The following LRP3 variants were observed in gnomAD, a reference collection of about 807,000 sequenced individuals.
The protein encoded by LRP3 is low-density lipoprotein receptor-related protein 3.
In LRP3, 49 loss-of-function variants were observed where a neutral mutation model predicts 58.5. The ratio of observed to expected loss-of-function variants is 0.84; its 90% CI spans 0.67 to 1.06. The LOEUF (loss-of-function observed/expected upper bound fraction) is 1.06, where lower values mean the gene tolerates loss of function less well. Among genes scored for constraint, LRP3 ranks in the 50% least tolerant of loss-of-function variants. The pLI, the probability that LRP3 is intolerant of heterozygous loss-of-function variation, is 0.00. For synonymous variants in LRP3, 485 were observed against 492.2 expected, an observed-to-expected ratio of 0.99 and a Z score of 0.20; for missense variants, 1,019 against 1,134.2, an observed-to-expected ratio of 0.90 and a Z score of 1.46.
chr19:33,207,286 C>T lies in LRP3; in HGVS notation c.2024C>T (p.Pro675Leu), dbSNP rs778719515. 15 of 1,558,440 alleles carry T rather than the reference C, an allele frequency of 9.6e-6. No homozygotes were observed. The highest frequency in any genetic ancestry group is 2.4e-5 in the South Asian group (2 of 84,686). Residue 675 changes from proline to leucine, a missense_variant, in exon 7 of 7, where the codon CCG becomes CTG. Around this residue, in one of 2 missense-constraint regions of LRP3, gnomAD observed 427 missense variants for 408.6 expected, o/e 1.04. Coordinates refer to ENST00000253193, the MANE Select transcript of LRP3 (RefSeq NM_002333.4). Reference protein sequence around the residue: ...DRPPSAPGRAPEVGPSGPPLP... With the variant: ...DRPPSAPGRALEVGPSGPPLP... ...CCCCCCAGTGCCCCCGGCCGTGCACCGGAGGTGGGACCTTCAGGGCCACCC... is the reference window on the plus strand; with the variant it reads ...CCCCCCAGTGCCCCCGGCCGTGCACTGGAGGTGGGACCTTCAGGGCCACCC...
At chr19:33,206,516 G>A in intron 5 of LRP3, 85 bp from the exon 6 acceptor site, 2 of 1,586,782 alleles carry the variant, frequency 1.3e-6, no homozygotes, top group Non-Finnish European at 1.7e-6. Context: ...GTGTCTGGGT[G>A]GAGGGTCGTC....
rs1230631561 is a variant in LRP3 at position 33,207,511 on chromosome 19, A to AC, written c.2255dup (p.Pro753AlafsTer12). The AC allele has an allele frequency of 6.3e-7, 1 of 1,599,140 alleles. No homozygotes were observed. ...CCAGAGCCACTGGGGGTCTGCAGGA[A>AC]CCCCCCGCCCCCCTGCTCCCCAATG... On this transcript the variant is annotated frameshift_variant, in exon 7 of 7. Coordinates refer to ENST00000253193, the MANE Select transcript of LRP3 (RefSeq NM_002333.4). LOFTEE classifies it high-confidence loss of function.
At position 33,205,414 on chromosome 19, in the gene LRP3, G is replaced by C; in HGVS notation, c.644G>C (p.Gly215Ala). 6.3e-7 allele frequency: 1 copy of C among 1,594,552 alleles called. No homozygotes were observed. The highest frequency in any genetic ancestry group is 8.5e-7 in the Non-Finnish European group (1 of 1,169,816). ...CCTCCAGGCAGCCTGTGCCCCGGGG[G>C]GACCTTCCCATGCAGCGGGGCGCGC... ...SEPPGSLCPG[G>A]TFPCSGARST... Residue 215 changes from glycine (G) to alanine (A), a missense_variant, in exon 5 of 7, where the codon GGG becomes GCG. Gly to Ala is a moderately conservative substitution (Grantham distance 60, BLOSUM62 0). Coordinates refer to ENST00000253193, the MANE Select transcript of LRP3 (RefSeq NM_002333.4).
In LRP3 at chr19:33,202,880, G is replaced by C. The variant is rs1056174249; in HGVS notation, c.154G>C (p.Glu52Gln). ...ACSGKLEQHT[E>Q]RRGVIYSPAW... ...CAGTGGGAAGCTGGAGCAGCACACG[G>C]AGCGGCGTGGGGTCATCTACAGCCC... Residue 52 changes from glutamate to glutamine, a missense_variant, in exon 3 of 7, where the codon GAG becomes CAG. Glu to Gln is a conservative substitution (Grantham distance 29, BLOSUM62 2). This residue lies in a region of LRP3 where 592 missense variants were observed against 725.5 expected (regional missense o/e 0.82). Transcript: ENST00000253193. 1 of 1,611,016 alleles carries C rather than the reference G, an allele frequency of 6.2e-7. No individual in the cohort carries two copies. The highest frequency in any genetic ancestry group is 8.5e-7 in the Non-Finnish European group (1 of 1,178,902).
intron 2 of LRP3, among the ~76,000 whole-genome samples, chr19:33,200,389 G>A (rs896925967): frequency 3.2e-5 from 2 of 62,446 alleles, no homozygotes; most frequent in Non-Finnish European, 4.6e-5. Flanking sequence ...CCAGTACCAC[G>A]CCTGGCTAAT....
intron 2 of LRP3, among the ~76,000 whole-genome samples, chr19:33,199,884 C>A (rs576200793): frequency 2.0e-5 from 3 of 152,276 alleles, no homozygotes; most frequent in Middle Eastern, 3.4e-3. Context: ...TCCCAGAAAG[C>A]GTGGGTGAGA....
intron 1 of LRP3, among the ~76,000 whole-genome samples, chr19:33,196,020 G>A (rs568698453): frequency 1.4e-5 from 2 of 143,002 alleles, no homozygotes; most frequent in African/African-American, 3.1e-5. Flanking sequence ...CTCTGGGCCC[G>A]TAACCCCCCG....
intron 5 of LRP3, 62 bp downstream of exon 5, chr19:33,206,424 G>A (rs750651183): frequency 6.9e-6 from 11 of 1,596,746 alleles, no homozygotes; most frequent in Admixed American, 3.4e-5. Context: ...TGCTGTCCCC[G>A]TAGCTGTGGG....
chr19:33,195,155 T>C (rs1174470167), intron 1 of LRP3, among the ~76,000 whole-genome samples: 2 of 152,128 alleles, frequency 1.3e-5, no homozygotes, highest in Admixed American at 6.5e-5. Context: ...CCGCCCGCGC[T>C]GAGCCTGGAG....
chr19:33,202,936 C>G lies in LRP3; in HGVS notation c.210C>G (p.Thr70=), dbSNP rs892141423. The part of the protein sequence containing the change: ...PAWPLNYPPG[T]NCSWYIQGDR... ...GGCCCCTCAACTACCCGCCAGGCAC[C>G]AACTGCAGCTGGTACATCCAGGGCG... The change falls in exon 3 of 7, where the codon ACC becomes ACG. Residue 70 remains threonine (T), a synonymous_variant. Coordinates refer to ENST00000253193, the MANE Select transcript of LRP3 (RefSeq NM_002333.4). 2.5e-6 allele frequency: 4 copies of G among 1,612,606 alleles called. No homozygotes were observed. In the African/African-American group the frequency reaches 5.3e-5, roughly 22 times the overall value.
intron 2 of LRP3, among the ~76,000 whole-genome samples, chr19:33,198,442 C>T (rs1202398713): frequency 2.0e-5 from 3 of 152,166 alleles, no homozygotes; most frequent in Non-Finnish European, 4.4e-5. Flanking sequence ...ACTTCTGACA[C>T]CTCCAGCATT....
At position 33,207,381 on chromosome 19, in the gene LRP3, C is replaced by T. The variant is rs1161909973; in HGVS notation, c.2119C>T (p.Leu707=). 4 of 1,587,160 alleles carry T rather than the reference C, an allele frequency of 2.5e-6. No homozygotes were observed. In the Admixed American group the frequency reaches 5.2e-5, roughly 21 times the overall value. The change falls in exon 7 of 7, where the codon CTG becomes TTG. Residue 707 remains leucine, a synonymous_variant. Transcript: ENST00000253193. The stretch of plus-strand genomic sequence containing the variant: ...GGACAGAAAGGTCTGCAGGGAGCCA[C>T]TGGTAGACGGCCCAGCTCCTGCAGA... The part of the protein sequence containing the change: ...DKDRKVCREP[L]VDGPAPADAP...
rs370745655 is a variant in LRP3, at chr19:33,207,447, C to A, written c.2185C>A (p.Gln729Lys). The A allele has an allele frequency of 6.3e-7, 1 of 1,598,264 alleles. No individual in the cohort carries two copies. Among genetic ancestry groups the A allele is most frequent in the South Asian group, 1.1e-5 (1 of 89,898 alleles). ...EPCSAQDPHP[Q>K]VSTASSTLGP... ...CTGCTCAGCCCAGGACCCGCACCCC[C>A]AGGTCTCCACTGCCAGCAGCACCCT... The change falls in exon 7 of 7, where the codon CAG (glutamine) becomes AAG (lysine). Residue 729 changes from glutamine (Q) to lysine (K), a missense_variant. Physicochemically the swap from Gln to Lys is moderately conservative, Grantham distance 53 (BLOSUM62 1). This residue lies in a region of LRP3 where 427 missense variants were observed against 408.6 expected (regional missense o/e 1.04). Coordinates refer to ENST00000253193, the MANE Select transcript of LRP3 (RefSeq NM_002333.4).
At position 33,196,001 on chromosome 19, in the gene LRP3, A is replaced by G. The variant is rs146599425; in HGVS notation, c.74-729A>G. 6.9e-3 allele frequency among the ~76,000 whole-genome samples: 1,021 copies of G among 148,834 alleles called. 15 individuals are homozygous for G. The highest frequency in any genetic ancestry group is 0.025 in the African/African-American group (985 of 38,818). On this transcript the variant is annotated intron_variant, in intron 1 of 6. Coordinates refer to ENST00000253193, the MANE Select transcript of LRP3 (RefSeq NM_002333.4). ...ACCCCGGGAAGTTGGGTTTCCCCCC[A>G]CCCCCCGACTCTGGGCCCGTAACCC...
In LRP3 at chr19:33,207,224, C is replaced by A; in HGVS notation, c.1962C>A (p.Leu654=). The A allele has an allele frequency of 6.4e-7, 1 of 1,562,712 alleles. No individual in the cohort carries two copies. Among genetic ancestry groups the A allele is most frequent in the East Asian group, 2.3e-5 (1 of 43,460 alleles). ...CTGCCCCCGACCCCCCAGCACCGCT[C>A]ATGGACACAGGCAGCACCAGGGCGG... is the stretch of plus-strand genomic sequence containing the variant. The part of the protein sequence containing the change: ...PGAAPDPPAP[L]MDTGSTRAAG... Residue 654 remains leucine, a synonymous_variant, in exon 7 of 7, where the codon CTC becomes CTA. Coordinates refer to ENST00000253193, the MANE Select transcript of LRP3 (RefSeq NM_002333.4).
Position 33,207,158 on chromosome 19 carries a change from G to A in LRP3, c.1896G>A (p.Gln632=), listed in dbSNP as rs544811824. ...IPLLTAARPS[Q]TVLGDGFLQP... Reference sequence around the variant, plus strand: ...TGCTGACCGCAGCACGCCCCTCACAGACCGTGCTGGGCGATGGCTTCCTCC... The same window carrying A: ...TGCTGACCGCAGCACGCCCCTCACAAACCGTGCTGGGCGATGGCTTCCTCC... Residue 632 remains glutamine (Q), a synonymous_variant, in exon 7 of 7, where the codon CAG becomes CAA. Transcript: ENST00000253193. The A allele has an allele frequency of 7.2e-5, 111 of 1,537,738 alleles. No individual in the cohort carries two copies. The highest frequency in any genetic ancestry group is 9.6e-5 in the Non-Finnish European group (110 of 1,145,948).
intron 3 of LRP3, among the ~76,000 whole-genome samples, 160 bp downstream of exon 3, chr19:33,203,146 T>G (rs552410562): frequency 8.1e-6 from 1 of 124,124 alleles, no homozygotes; most frequent in East Asian, 2.1e-4. Flanking sequence ...AGCATATGAG[T>G]GAGGCGTGTG....
At position 33,194,734 on chromosome 19, in the gene LRP3, G is replaced by A. The variant is rs901773592; in HGVS notation, c.-52G>A. ...CAGAGCCGGAGCCGCAGCCGGAACCGGAGCCGGAGCCGCGGGGCAGGAGGC... is the reference window on the plus strand; with the variant it reads ...CAGAGCCGGAGCCGCAGCCGGAACCAGAGCCGGAGCCGCGGGGCAGGAGGC... On this transcript the variant is annotated 5_prime_UTR_variant, in exon 1 of 7. Transcript: ENST00000253193. 1.2e-3 allele frequency: 665 copies of A among 568,288 alleles called. No individual in the cohort carries two copies. Among genetic ancestry groups the A allele is most frequent in the Non-Finnish European group, 1.3e-3 (615 of 458,788 alleles). 35.2% of individuals were successfully genotyped at this position (568,288 alleles called of 1,614,324 possible). A position where few individuals can be genotyped will look rare whatever the true frequency, so the allele number is the denominator to read the frequency against.
In LRP3 at chr19:33,206,004, G is replaced by T; in HGVS notation, c.1234G>T (p.Gly412Cys). 6.3e-7 allele frequency: 1 copy of T among 1,580,480 alleles called. No individual in the cohort carries two copies. Among genetic ancestry groups the T allele is most frequent in the Non-Finnish European group, 8.6e-7 (1 of 1,164,090 alleles). The change falls in exon 5 of 7, where the codon GGC (glycine) becomes TGC (cysteine). Residue 412 changes from glycine to cysteine, a missense_variant. By Grantham distance (159) the Gly-to-Cys change is radical (BLOSUM62 -3). Transcript: ENST00000253193. ...TTGTGCCAGCGGCCGAGACGAGCAG[G>T]GCTGCCCTGCCTGCCCGCCCGACCA... ...WHCASGRDEQ[G>C]CPACPPDQYP...
Sources: allele counts gnomAD v4.1 joint callset (sites outside exome capture counted in the v4.1 genomes callset), GRCh38; gene constraint gnomAD v4.1.1; regional missense constraint gnomAD v4.1.1; transcripts MANE v1.5; gene names NCBI Gene and HGNC (gene_info 2026-07-23, HGNC 2026-07-21).